The following SLC9C1 variants were observed in gnomAD, a reference collection of about 807,000 sequenced individuals.
The protein encoded by SLC9C1 is solute carrier family 9 member C1.
In SLC9C1, 97 loss-of-function variants were observed where a neutral mutation model predicts 140.9. That is an observed-to-expected ratio of 0.69 (90% confidence interval 0.58 to 0.82). The LOEUF (loss-of-function observed/expected upper bound fraction) is 0.82, where lower values mean the gene tolerates loss of function less well. Ranked by LOEUF, SLC9C1 falls within the 40% of genes least tolerant of loss-of-function variation. The probability of loss-of-function intolerance (pLI) is 0.00; values close to 1 mark genes in which losing one functional copy is unlikely to be tolerated. For synonymous variants in SLC9C1, 440 were observed against 442.6 expected (o/e 0.99, Z 0.07); for missense variants, 1,340 against 1,389.3 (o/e 0.96, Z 0.56).
intron 10 of SLC9C1, among the ~76,000 whole-genome samples, chr3:112,245,441 T>C (rs75716553): frequency 2.6e-5 from 4 of 152,040 alleles, no homozygotes; most frequent in Non-Finnish European, 4.4e-5. Context: ...TTTTTTTTTT[T>C]CTAAGTGAAT....
At chr3:112,276,077 C>T (rs2080206222) in intron 5 of SLC9C1, among the ~76,000 whole-genome samples, 1 of 152,032 alleles carries the variant, frequency 6.6e-6, no homozygotes, top group Admixed American at 6.6e-5. Flanking sequence ...CTTAGTGAAC[C>T]TAGCAAGATC....
Position 112,141,218 on chromosome 3 carries a change from A to C in SLC9C1, c.*54T>G. The C allele has an allele frequency of 6.6e-7, 1 of 1,508,012 alleles. No individual in the cohort carries two copies. Among genetic ancestry groups the C allele is most frequent in the Admixed American group, 2.2e-5 (1 of 45,878 alleles). 93.4% of individuals were successfully genotyped at this position (1,508,012 alleles called of 1,614,324 possible). ...ATGTAGGGAAGTGTGTTTCTGCAGCAGGAGGCCTCTCATAGCCACAGCATT... is the reference window on the plus strand; with the variant it reads ...ATGTAGGGAAGTGTGTTTCTGCAGCCGGAGGCCTCTCATAGCCACAGCATT... On this transcript the variant is annotated 3_prime_UTR_variant, in exon 29 of 29. Transcript: ENST00000305815.
intron 15 of SLC9C1, among the ~76,000 whole-genome samples, chr3:112,217,189 A>T (rs1008930275): frequency 5.3e-5 from 8 of 151,928 alleles, no homozygotes; most frequent in Non-Finnish European, 7.4e-5. Flanking sequence ...GGAACATCAC[A>T]CACTGGGGCC....
chr3:112,231,195 CTT>C (rs1445001935), intron 13 of SLC9C1, among the ~76,000 whole-genome samples, 164 bp downstream of exon 13: 36 of 151,222 alleles, frequency 2.4e-4, no homozygotes, highest in Admixed American at 1.1e-3. Flanking sequence ...TCCTCTCTCT[CTT>C]TCTTTTTCTT....
chr3:112,185,422 G>C lies in SLC9C1; in HGVS notation c.2524-3164C>G, dbSNP rs565598983. ...GAAGCTGAAAGAGGCACTCAGGGGTGGGGGGGTCTCAGCCCAGCCCCTCTA... is the reference window on the plus strand; with the variant it reads ...GAAGCTGAAAGAGGCACTCAGGGGTCGGGGGGTCTCAGCCCAGCCCCTCTA... On this transcript the variant is annotated intron_variant, in intron 20 of 28. Coordinates refer to ENST00000305815, the MANE Select transcript of SLC9C1 (RefSeq NM_183061.3). The C allele has an allele frequency of 6.2e-4, 783 of 1,267,898 alleles. 6 individuals are homozygous for C. In the African/African-American group the frequency reaches 0.01, roughly 16 times the overall value. The allele number at this position is 1,267,898 out of a possible 1,614,324, so 78.5% of individuals were successfully genotyped here.
intron 20 of SLC9C1, among the ~76,000 whole-genome samples, chr3:112,192,685 A>G (rs1474332151): frequency 1.3e-5 from 2 of 152,070 alleles, no homozygotes; most frequent in African/African-American, 4.8e-5. Context: ...CATTCATTGA[A>G]TTCCTCAGCT....
In SLC9C1 at chr3:112,204,327, A is replaced by G; in HGVS notation, c.2063T>C (p.Leu688Ser). ...FELAITLIGI[L>S]HVILIEIDTI... is the part of the protein sequence containing the mutation. ...GTCTATTTCAATAAGTATTACATGTAAGATGCCAATTAATGTAATTGCTAA... is the reference window on the plus strand; with the variant it reads ...GTCTATTTCAATAAGTATTACATGTGAGATGCCAATTAATGTAATTGCTAA... Residue 688 changes from leucine (L) to serine (S), a missense_variant, in exon 17 of 29, where the codon TTA becomes TCA. Leu to Ser is a moderately radical substitution (Grantham distance 145). Transcript: ENST00000305815. 2 of 1,574,326 alleles carry G rather than the reference A, an allele frequency of 1.3e-6. No homozygotes were observed.
At chr3:112,168,225 C>CT (rs1294291303) in intron 25 of SLC9C1, among the ~76,000 whole-genome samples, 5 of 151,818 alleles carry the variant, frequency 3.3e-5, no homozygotes, top group Admixed American at 6.6e-5. Context: ...TTAAATAACT[C>CT]TGAGTCCTCT....
At chr3:112,175,813 T>C (rs4682364) in intron 23 of SLC9C1, among the ~76,000 whole-genome samples, 149,457 of 152,338 alleles carry the variant, frequency 0.98, 73,385 homozygotes, top group East Asian at 1. Context: ...GCAACAGTGG[T>C]TGAGGCTGTG....
intron 16 of SLC9C1, 45 bp from the exon 17 acceptor site, chr3:112,204,448 T>C (rs1211634216): frequency 3.3e-6 from 5 of 1,518,700 alleles, no homozygotes; most frequent in Non-Finnish European, 4.4e-6. Context: ...TGTTTCTGCT[T>C]TTACTACACC....
chr3:112,149,066 C>G (rs1409315470), intron 28 of SLC9C1, among the ~76,000 whole-genome samples: 1 of 152,014 alleles, frequency 6.6e-6, no homozygotes, highest in Non-Finnish European at 1.5e-5. Context: ...GTGACTCAGG[C>G]TGCTGGCCCA....
At position 112,190,146 on chromosome 3, in the gene SLC9C1, G is replaced by A. The variant is rs193096947; in HGVS notation, c.2524-7888C>T. Among the ~76,000 whole-genome samples, 125 of 152,180 alleles carry A rather than the reference G, an allele frequency of 8.2e-4. 1 individual carries two copies. The highest frequency in any genetic ancestry group is 5.1e-4 in the Non-Finnish European group (35 of 67,994). ...AGGAGATTTTGGGCTGAGACGATGG[G>A]GTTTTCTAGATATACAATCATGTCA... On this transcript the variant is annotated intron_variant, in intron 20 of 28. Coordinates refer to ENST00000305815, the MANE Select transcript of SLC9C1 (RefSeq NM_183061.3).
chr3:112,209,116 C>T lies in SLC9C1; in HGVS notation c.1791-743G>A, dbSNP rs555638677. On this transcript the variant is annotated intron_variant, in intron 15 of 28. Coordinates refer to ENST00000305815, the MANE Select transcript of SLC9C1 (RefSeq NM_183061.3). ...TCACATGATAATGATTAATTAATTG[C>T]CGATTGAAGACTGGGTAAGTACCAG... Among the ~76,000 whole-genome samples, 11 of 152,156 alleles carry T rather than the reference C, an allele frequency of 7.2e-5. No individual in the cohort carries two copies. In the East Asian group the frequency reaches 1.5e-3, roughly 21 times the overall value.
intron 8 of SLC9C1, among the ~76,000 whole-genome samples, chr3:112,264,774 G>A (rs957769072): frequency 6.6e-6 from 1 of 152,036 alleles, no homozygotes; most frequent in Non-Finnish European, 1.5e-5. Flanking sequence ...GTCTTCAAGA[G>A]TAGAAGTTGG....
intron 28 of SLC9C1, chr3:112,151,489 A>C (rs761473035): frequency 1.9e-6 from 1 of 519,778 alleles, no homozygotes; most frequent in Admixed American, 1.9e-5. Context: ...TGTCTTCTTA[A>C]CTAGAACATA....
At chr3:112,286,283 G>A (rs2080505513) in intron 2 of SLC9C1, among the ~76,000 whole-genome samples, 1 of 152,026 alleles carries the variant, frequency 6.6e-6, no homozygotes, top group Non-Finnish European at 1.5e-5. Flanking sequence ...TCCCTAATCA[G>A]GTCAAAGATA....
intron 24 of SLC9C1, 64 bp from the exon 25 acceptor site, chr3:112,169,126 T>C: frequency 1.3e-6 from 2 of 1,575,804 alleles, no homozygotes; most frequent in South Asian, 1.2e-5. Context: ...TATTCATAAA[T>C]AGTCAATTAT....
intron 23 of SLC9C1, among the ~76,000 whole-genome samples, chr3:112,178,580 A>G (rs983066221): frequency 6.6e-6 from 1 of 152,170 alleles, no homozygotes; most frequent in African/African-American, 2.4e-5. Context: ...GATTCAATCT[A>G]TAGACTTGAA....
intron 11 of SLC9C1, among the ~76,000 whole-genome samples, chr3:112,242,299 T>C (rs9829480): frequency 0.59 from 89,913 of 151,988 alleles, 27,111 homozygotes; most frequent in East Asian, 0.79. Context: ...CATCAACAGA[T>C]GAATGGATAA....
Sources: allele counts gnomAD v4.1 joint callset (sites outside exome capture counted in the v4.1 genomes callset), GRCh38; gene constraint gnomAD v4.1.1; transcripts MANE v1.5; gene names NCBI Gene and HGNC (gene_info 2026-07-23, HGNC 2026-07-21).